The following NUAK2 variants were observed in gnomAD, a reference collection of about 807,000 sequenced individuals.
NUAK2 encodes the protein NUAK family kinase 2.
In NUAK2, 20 loss-of-function variants were observed where a neutral mutation model predicts 29.8. That is an observed-to-expected ratio of 0.67 (90% CI 0.47 to 0.98). NUAK2 has a LOEUF of 0.98. Ranked by LOEUF, NUAK2 falls within the 50% of genes least tolerant of loss-of-function variation. The pLI, the probability that NUAK2 is intolerant of heterozygous loss-of-function variation, is 0.00. For missense variants in NUAK2, 719 were observed against 834.5 expected, an observed-to-expected ratio of 0.86 and a Z score of 1.71; for synonymous variants, 331 against 342.6, an observed-to-expected ratio of 0.97 and a Z score of 0.37.
intron 1 of NUAK2, among the ~76,000 whole-genome samples, chr1:205,315,596 G>A (rs1221085341): frequency 6.6e-6 from 1 of 152,186 alleles, no homozygotes; most frequent in Non-Finnish European, 1.5e-5. Flanking sequence ...GATTAGGCTG[G>A]GCGCAGTGGC....
chr1:205,311,597 T>A lies in NUAK2; in HGVS notation c.352+108A>T, dbSNP rs531167615. On this transcript the variant is annotated intron_variant, in intron 2 of 6. Coordinates refer to ENST00000367157, the MANE Select transcript of NUAK2 (RefSeq NM_030952.3). ...TCCTGCTCTTCTCTAGAGCCTATAT[T>A]TTTTTTACTTCTTTATGTTGTTTCT... The A allele has an allele frequency of 7.1e-5, 102 of 1,438,900 alleles. No homozygotes were observed. The East Asian group carries it at 1.9e-3, about 27-fold the overall frequency. The allele number at this position is 1,438,900 out of a possible 1,614,324, so 89.1% of individuals were successfully genotyped here.
chr1:205,315,643 C>T (rs1483239494), intron 1 of NUAK2, among the ~76,000 whole-genome samples: 1 of 152,102 alleles, frequency 6.6e-6, no homozygotes, highest in Non-Finnish European at 1.5e-5. Context: ...GAGACCGAGG[C>T]GGGCAAATCA....
Position 205,303,083 on chromosome 1 carries a change from A to C in NUAK2, c.*367T>G, listed in dbSNP as rs539882334. On this transcript the variant is annotated 3_prime_UTR_variant, in exon 7 of 7. Coordinates refer to ENST00000367157, the MANE Select transcript of NUAK2 (RefSeq NM_030952.3). ...TGAGTAGGGAAGGAGCTGTCCTTAG[A>C]AGGCACCATGTGTACAGAGTATTCA... 6.2e-6 allele frequency: 1 copy of C among 161,936 alleles called. No individual in the cohort carries two copies. The highest frequency in any genetic ancestry group is 1.8e-4 in the East Asian group (1 of 5,556). The allele number at this position is 161,936 out of a possible 1,614,324, so 10.0% of individuals were successfully genotyped here.
intron 5 of NUAK2, 63 bp from the exon 6 acceptor site, chr1:205,305,394 G>A (rs1662165885): frequency 6.4e-7 from 1 of 1,570,178 alleles, no homozygotes; most frequent in Admixed American, 1.8e-5. Flanking sequence ...TTACATGCTG[G>A]AGAACTCAGA....
At chr1:205,316,874 T>A (rs1662335225) in intron 1 of NUAK2, among the ~76,000 whole-genome samples, 1 of 152,180 alleles carries the variant, frequency 6.6e-6, no homozygotes, top group Non-Finnish European at 1.5e-5. Flanking sequence ...CTCATTCTAT[T>A]TTGCAAACAG....
Position 205,305,188 on chromosome 1 carries a change from C to A in NUAK2, c.823+11G>T. 5 of 1,613,144 alleles carry A rather than the reference C, an allele frequency of 3.1e-6. No homozygotes were observed. The highest frequency in any genetic ancestry group is 4.2e-6 in the Non-Finnish European group (5 of 1,179,414). On this transcript the variant is annotated intron_variant, in intron 6 of 6. Coordinates refer to ENST00000367157, the MANE Select transcript of NUAK2 (RefSeq NM_030952.3). ...CAGGCCTGGATAAGAACGCCCACAC[C>A]TCTTACTCACCAGAGGGTTTAGGTG... is the stretch of plus-strand genomic sequence containing the variant.
chr1:205,303,613 T>A lies in NUAK2; in HGVS notation c.1724A>T (p.Asp575Val), dbSNP rs1000458589. 6.2e-7 allele frequency: 1 copy of A among 1,609,402 alleles called. No individual in the cohort carries two copies. Among genetic ancestry groups the A allele is most frequent in the Non-Finnish European group, 8.5e-7 (1 of 1,178,388 alleles). Reference protein sequence around the residue: ...EPPLRGCVSVDNLTGLEEPPS... With the variant: ...EPPLRGCVSVVNLTGLEEPPS... The stretch of plus-strand genomic sequence containing the variant: ...GGGCTCCTCAAGCCCCGTGAGGTTG[T>A]CCACAGACACACAGCCCCGCAGTGG... Residue 575 changes from aspartate to valine, a missense_variant, in exon 7 of 7, where the codon GAC becomes GTC. Physicochemically the swap from Asp to Val is radical, Grantham distance 152. Transcript: ENST00000367157.
rs1473544544 is a variant in NUAK2 at position 205,303,732 on chromosome 1, C to A, written c.1605G>T (p.Arg535=). ...TCACAGCCCCTGAGGGTCGGCTGGC[C>A]CGGGCCAGGGGGCGAGGTGGGGCGA... is the stretch of plus-strand genomic sequence containing the variant. The part of the protein sequence containing the change: ...DELAPPRPLA[R]ASRPSGAVSE... Residue 535 remains arginine, a synonymous_variant, in exon 7 of 7, where the codon CGG becomes CGT. Transcript: ENST00000367157. 1 of 1,538,930 alleles carries A rather than the reference C, an allele frequency of 6.5e-7. No homozygotes were observed. Among genetic ancestry groups the A allele is most frequent in the African/African-American group, 1.4e-5 (1 of 72,404 alleles).
chr1:205,304,626 G>C lies in NUAK2; in HGVS notation c.824-113C>G, dbSNP rs1558671742. On this transcript the variant is annotated intron_variant, in intron 6 of 6. Transcript: ENST00000367157. The surrounding 1 kb of genome is among the most constrained non-coding windows in gnomAD (Gnocchi z 6.5). ...CTATGACACTGCATACTCCTGGGTC[G>C]GATGCGTCCCTTCCAACCTAGGGCT... The C allele has an allele frequency of 1.1e-6, 1 of 932,852 alleles. No homozygotes were observed. The highest frequency in any genetic ancestry group is 1.6e-6 in the Non-Finnish European group (1 of 635,426). The allele number at this position is 932,852 out of a possible 1,614,324, so 57.8% of individuals were successfully genotyped here.
Position 205,308,183 on chromosome 1 carries a change from A to G in NUAK2, c.552T>C (p.Asp184=), listed in dbSNP as rs530000574. 9 of 1,606,656 alleles carry G rather than the reference A, an allele frequency of 5.6e-6. No homozygotes were observed. In the South Asian group the frequency reaches 6.6e-5, roughly 12 times the overall value. The change falls in exon 4 of 7, where the codon GAT becomes GAC. Residue 184 remains aspartate (D), a synonymous_variant. Transcript: ENST00000367157. This position sits in a 1 kb window ranked among gnomAD's most constrained non-coding sequence, Gnocchi z 4.1. The stretch of plus-strand genomic sequence containing the variant: ...GACTCACCTTGATATTCCCATTGGC[A>G]TCCAAGAGGATGTTCTCCAGCTTGA... ...RDLKLENILL[D]ANGNIKIADF...
intron 5 of NUAK2, chr1:205,305,613 T>A (rs1468969850): frequency 1.5e-6 from 1 of 677,438 alleles, no homozygotes; most frequent in Non-Finnish European, 1.8e-6. Flanking sequence ...CTGGACTGGG[T>A]GCTGGGAAAG....
intron 6 of NUAK2, 147 bp downstream of exon 6, chr1:205,305,052 G>T: frequency 4.3e-6 from 4 of 939,570 alleles, no homozygotes; most frequent in East Asian, 2.6e-5. Flanking sequence ...TCTCAACATT[G>T]GACATACGGT....
intron 1 of NUAK2, among the ~76,000 whole-genome samples, chr1:205,316,101 C>T (rs1377379819): frequency 1.3e-5 from 2 of 152,108 alleles, no homozygotes; most frequent in African/African-American, 2.4e-5. Context: ...TAACATAAAC[C>T]TGAACATCTG....
At chr1:205,307,935 C>T (rs1009716343) in intron 4 of NUAK2, among the ~76,000 whole-genome samples, 5 of 152,180 alleles carry the variant, frequency 3.3e-5, no homozygotes, top group Non-Finnish European at 7.3e-5. Context: ...CAGCCACGTG[C>T]TAGTTGTGTG....
intron 5 of NUAK2, among the ~76,000 whole-genome samples, chr1:205,305,985 A>AT (rs2102645761): frequency 6.6e-6 from 1 of 152,288 alleles, no homozygotes; most frequent in African/African-American, 2.4e-5. Context: ...AAGTGCTGGG[A>AT]TTATAGGTGT....
At chr1:205,315,182 C>T (rs1013797907) in intron 1 of NUAK2, among the ~76,000 whole-genome samples, 1 of 152,124 alleles carries the variant, frequency 6.6e-6, no homozygotes, top group Non-Finnish European at 1.5e-5. Context: ...AGGCCTCTAT[C>T]GGTCTCCAAG....
At position 205,304,153 on chromosome 1, in the gene NUAK2, G is replaced by A. The variant is rs756041655; in HGVS notation, c.1184C>T (p.Thr395Ile). 31 of 1,614,198 alleles carry A rather than the reference G, an allele frequency of 1.9e-5. No individual in the cohort carries two copies. Among genetic ancestry groups the A allele is most frequent in the Admixed American group, 3.3e-5 (2 of 60,032 alleles). The stretch of plus-strand genomic sequence containing the variant: ...GTTGCTCTTGCCAGGGCGATGGGCA[G>A]TGTCATCAGCCGTGTCACTGTGGAG... ...QSLHSDTADD[T>I]AHRPGKSNLK... Residue 395 changes from threonine to isoleucine, a missense_variant, in exon 7 of 7, where the codon ACT becomes ATT. By Grantham distance (89) the Thr-to-Ile change is moderately conservative. This residue lies in a region of NUAK2 where 430 missense variants were observed against 465.7 expected (regional missense o/e 0.92). Coordinates refer to ENST00000367157, the MANE Select transcript of NUAK2 (RefSeq NM_030952.3). The surrounding 1 kb of genome is among the most constrained non-coding windows in gnomAD (Gnocchi z 6.5).
Position 205,308,105 on chromosome 1 carries a change from G to T in NUAK2, c.570+60C>A. 8.8e-7 allele frequency: 1 copy of T among 1,133,576 alleles called. No individual in the cohort carries two copies. Among genetic ancestry groups the T allele is most frequent in the Non-Finnish European group, 1.3e-6 (1 of 751,436 alleles). 70.2% of individuals were successfully genotyped at this position (1,133,576 alleles called of 1,614,324 possible). On this transcript the variant is annotated intron_variant, in intron 4 of 6. Transcript: ENST00000367157. This position sits in a 1 kb window ranked among gnomAD's most constrained non-coding sequence, Gnocchi z 4.1. Reference sequence around the variant, plus strand: ...AAGAGCTTAGAGCTACTTGGCTGGGGACAGTGCAGAAAAGCTGGGGTGGGC... The same window carrying T: ...AAGAGCTTAGAGCTACTTGGCTGGGTACAGTGCAGAAAAGCTGGGGTGGGC...
chr1:205,317,404 G>A (rs957014437), intron 1 of NUAK2, among the ~76,000 whole-genome samples: 23 of 152,170 alleles, frequency 1.5e-4, no homozygotes, highest in African/African-American at 5.6e-4. Context: ...AGGAGCTAGG[G>A]GATGACCCAT....
Sources: allele counts gnomAD v4.1 joint callset (sites outside exome capture counted in the v4.1 genomes callset), GRCh38; gene constraint gnomAD v4.1.1; regional missense constraint gnomAD v4.1.1; non-coding constraint Gnocchi (gnomAD v3.1); transcripts MANE v1.5; gene names NCBI Gene and HGNC (gene_info 2026-07-23, HGNC 2026-07-21).